TRDMT1: variants seen among roughly 807,000 people sequenced by gnomAD.
TRDMT1 encodes the protein tRNA (cytosine(38)-C(5))-methyltransferase.
In TRDMT1, 49 loss-of-function variants were observed where a neutral mutation model predicts 51.2. The ratio of observed to expected loss-of-function variants is 0.96; its 90% CI spans 0.76 to 1.21. The LOEUF is 1.21. Among genes scored for constraint, TRDMT1 ranks in the 50% most tolerant of loss-of-function variants. TRDMT1 has a pLI of 0.00. For synonymous variants in TRDMT1, 187 were observed against 164.6 expected, an observed-to-expected ratio of 1.14 and a Z score of -1.04; for missense variants, 534 against 462.3, an observed-to-expected ratio of 1.16 and a Z score of -1.42.
chr10:17,146,884 C>T lies in TRDMT1; in HGVS notation c.*2156G>A. On this transcript the variant is annotated 3_prime_UTR_variant, in exon 11 of 11. Coordinates refer to ENST00000377799, the MANE Select transcript of TRDMT1 (RefSeq NM_004412.7). ...TGAATGACACTGGTAGATACATCTT[C>T]ATTAAGATGTGAGTTTTATGCTTGT... is the stretch of plus-strand genomic sequence containing the variant. 3.1e-6 allele frequency: 3 copies of T among 982,750 alleles called. No homozygotes were observed. Among genetic ancestry groups the T allele is most frequent in the Non-Finnish European group, 2.4e-6 (2 of 828,680 alleles). 60.9% of individuals were successfully genotyped at this position (982,750 alleles called of 1,614,324 possible).
At chr10:17,183,584 A>G (rs535427117) in intron 1 of TRDMT1, among the ~76,000 whole-genome samples, 3 of 152,054 alleles carry the variant, frequency 2.0e-5, no homozygotes, top group Non-Finnish European at 4.4e-5. Flanking sequence ...CGCCCGGCTA[A>G]TTTTTGTATT....
At chr10:17,149,214 A>C in intron 10 of TRDMT1, 74 bp from the exon 11 acceptor site, 1 of 1,144,200 alleles carries the variant, frequency 8.7e-7, no homozygotes, top group Non-Finnish European at 1.3e-6. Flanking sequence ...TGTATCCTTT[A>C]GTAAGGGCAC....
rs1253957417 is a variant in TRDMT1 at position 17,139,959 on chromosome 10, T to G, written c.*9081A>C. Among the ~76,000 whole-genome samples the G allele has an allele frequency of 6.6e-6, 1 of 150,972 alleles. No homozygotes were observed. The highest frequency in any genetic ancestry group is 1.5e-5 in the Non-Finnish European group (1 of 67,930). On this transcript the variant is annotated 3_prime_UTR_variant, in exon 11 of 11. Coordinates refer to ENST00000377799, the MANE Select transcript of TRDMT1 (RefSeq NM_004412.7). ...TTTGTCAACAATTCCTAGACTATGT[T>G]TAGAAGAGACATAAACAATACCCTA...
In TRDMT1 at chr10:17,157,444, T is replaced by G. The variant is rs1337980748; in HGVS notation, c.884A>C (p.Lys295Thr). 6.3e-7 allele frequency: 1 copy of G among 1,594,366 alleles called. No individual in the cohort carries two copies. Among genetic ancestry groups the G allele is most frequent in the Non-Finnish European group, 8.6e-7 (1 of 1,167,162 alleles). Residue 295 changes from lysine to threonine, a missense_variant, in exon 8 of 11, where the codon AAA becomes ACA. Transcript: ENST00000377799. ...TCAATAGATCTTTAAAACCTACCCT[T>G]TGGTAAAGCACACGGACCTTCTACA... is the stretch of plus-strand genomic sequence containing the variant. The part of the protein sequence containing the change: ...PTCRRSVCFT[K>T]GYGSYIEGTG...
intron 2 of TRDMT1, chr10:17,171,591 C>G (rs1448714287): frequency 6.6e-6 from 1 of 152,184 alleles, no homozygotes; most frequent in East Asian, 1.9e-4. Flanking sequence ...CTTTCTCTTT[C>G]CCAGCTCTGC....
At chr10:17,194,109 G>A (rs1325094475) in intron 1 of TRDMT1, among the ~76,000 whole-genome samples, 1 of 152,138 alleles carries the variant, frequency 6.6e-6, no homozygotes, top group African/African-American at 2.4e-5. Flanking sequence ...GCCATATGCA[G>A]GAGAATGAAA....
At chr10:17,150,768 T>C (rs1838590451) in intron 10 of TRDMT1, 1 of 985,048 alleles carries the variant, frequency 1.0e-6, no homozygotes, top group South Asian at 4.7e-5. Flanking sequence ...TAACAGCAAT[T>C]ACTGTTGCAA....
Position 17,145,704 on chromosome 10 carries a change from CT to C in TRDMT1, c.*3335del. On this transcript the variant is annotated 3_prime_UTR_variant, in exon 11 of 11. Transcript: ENST00000377799. The stretch of plus-strand genomic sequence containing the variant: ...TAAAATTTGGTCCTTATTGTGTTAT[CT>C]TGGCTTTTTTAGAAACCGCTTGTTT... 4.1e-6 allele frequency: 4 copies of C among 985,428 alleles called. No homozygotes were observed. Among genetic ancestry groups the C allele is most frequent in the Non-Finnish European group, 4.8e-6 (4 of 829,914 alleles). 61.0% of individuals were successfully genotyped at this position (985,428 alleles called of 1,614,324 possible). A position where few individuals can be genotyped will look rare whatever the true frequency, so the allele number is the denominator to read the frequency against.
intron 1 of TRDMT1, among the ~76,000 whole-genome samples, chr10:17,178,981 A>G (rs1480778653): frequency 1.3e-5 from 2 of 152,170 alleles, no homozygotes; most frequent in African/African-American, 2.4e-5. Flanking sequence ...TTTTCAACAA[A>G]ATACCAAAAG....
In TRDMT1 at chr10:17,148,182, G is replaced by T. The variant is rs10904889; in HGVS notation, c.*858C>A. On this transcript the variant is annotated 3_prime_UTR_variant, in exon 11 of 11. Coordinates refer to ENST00000377799, the MANE Select transcript of TRDMT1 (RefSeq NM_004412.7). ...AAAGTCATAAAAGTTCATTGAGAGT[G>T]TATGTTGCTACAATAAAGAACAACT... 0.15 allele frequency: 146,540 copies of T among 985,222 alleles called. 11,058 individuals are homozygous for T. Among genetic ancestry groups the T allele is most frequent in the Admixed American group, 0.17 (2,793 of 16,264 alleles). The allele number at this position is 985,222 out of a possible 1,614,324, so 61.0% of individuals were successfully genotyped here. A position where few individuals can be genotyped will look rare whatever the true frequency, so the allele number is the denominator to read the frequency against.
At chr10:17,185,745 T>C (rs1296378495) in intron 1 of TRDMT1, among the ~76,000 whole-genome samples, 1 of 152,170 alleles carries the variant, frequency 6.6e-6, no homozygotes, top group Non-Finnish European at 1.5e-5. Context: ...GATGAGTTCA[T>C]GTCCTTTGTA....
chr10:17,193,037 T>C (rs1196143689), intron 1 of TRDMT1, among the ~76,000 whole-genome samples: 1 of 152,136 alleles, frequency 6.6e-6, no homozygotes. Context: ...AACATAGTAT[T>C]GGAAGTACTA....
chr10:17,145,705 T>C lies in TRDMT1; in HGVS notation c.*3335A>G, dbSNP rs116757696. ...AAAATTTGGTCCTTATTGTGTTATC[T>C]TGGCTTTTTTAGAAACCGCTTGTTT... On this transcript the variant is annotated 3_prime_UTR_variant, in exon 11 of 11. Transcript: ENST00000377799. The C allele has an allele frequency of 1.0e-5, 10 of 985,330 alleles. No individual in the cohort carries two copies. The highest frequency in any genetic ancestry group is 1.2e-5 in the Non-Finnish European group (10 of 829,926). The allele number at this position is 985,330 out of a possible 1,614,324, so 61.0% of individuals were successfully genotyped here.
At chr10:17,177,603 G>C (rs1021992711) in intron 1 of TRDMT1, among the ~76,000 whole-genome samples, 2 of 151,988 alleles carry the variant, frequency 1.3e-5, no homozygotes, top group African/African-American at 4.8e-5. Flanking sequence ...AAATTTAAAA[G>C]GTAGATTTAG....
chr10:17,196,550 T>C (rs1266114455), intron 1 of TRDMT1, among the ~76,000 whole-genome samples: 1 of 152,262 alleles, frequency 6.6e-6, no homozygotes, highest in East Asian at 1.9e-4. Flanking sequence ...TGGAAGATTC[T>C]CATTAGCCAA....
intron 1 of TRDMT1, among the ~76,000 whole-genome samples, chr10:17,186,061 AAAT>A (rs1843859469): frequency 1.3e-5 from 2 of 150,310 alleles, no homozygotes; most frequent in Non-Finnish European, 3.0e-5. Context: ...ATAAATAAAT[AAAT>A]AAATAAATAA....
intron 10 of TRDMT1, chr10:17,151,924 G>C: frequency 6.9e-6 from 8 of 1,157,098 alleles, no homozygotes; most frequent in Non-Finnish European, 7.6e-6. Context: ...AGGTGGGGCT[G>C]GGATATGAAA....
Position 17,157,646 on chromosome 10 carries a change from T to C in TRDMT1, c.682A>G (p.Ile228Val), listed in dbSNP as rs766583157. ...GSIQCSGKDA[I>V]LFKLETAEEI... ...TCTGCAGTTTCAAGCTTAAAAAGAATGGCATCTTTTCCAGAACACTGTATG... is the reference window on the plus strand; with the variant it reads ...TCTGCAGTTTCAAGCTTAAAAAGAACGGCATCTTTTCCAGAACACTGTATG... Residue 228 changes from isoleucine to valine, a missense_variant, in exon 8 of 11, where the codon ATT (isoleucine) becomes GTT (valine). Ile to Val is a conservative substitution (Grantham distance 29). Coordinates refer to ENST00000377799, the MANE Select transcript of TRDMT1 (RefSeq NM_004412.7). The C allele has an allele frequency of 3.7e-6, 6 of 1,613,580 alleles. No homozygotes were observed. The highest frequency in any genetic ancestry group is 5.1e-6 in the Non-Finnish European group (6 of 1,179,804).
intron 10 of TRDMT1, among the ~76,000 whole-genome samples, chr10:17,149,995 CAT>C (rs1175467456): frequency 1.3e-5 from 2 of 152,028 alleles, no homozygotes; most frequent in African/African-American, 4.8e-5. Context: ...TGGATATATA[CAT>C]AGGGGTGAAA....
Sources: gnomAD v4.1 joint callset for allele counts (sites outside exome capture counted in the v4.1 genomes callset) on GRCh38, gnomAD v4.1.1 for gene constraint, MANE v1.5 for transcripts, NCBI Gene and HGNC (gene_info 2026-07-23, HGNC 2026-07-21) for gene names.